The following POLD3 variants were observed in gnomAD, a reference collection of about 807,000 sequenced individuals.
POLD3 encodes DNA polymerase delta 3, accessory subunit.
In POLD3, 19 loss-of-function variants were observed where a neutral mutation model predicts 58.2. That is an observed-to-expected ratio of 0.33 (90% CI 0.23 to 0.48). The LOEUF (loss-of-function observed/expected upper bound fraction) is 0.48. POLD3 is among the 20% of genes least tolerant of loss of function. POLD3 has a pLI of 0.99. For synonymous variants in POLD3, 172 were observed against 193.5 expected, an observed-to-expected ratio of 0.89 and a Z score of 0.92; for missense variants, 504 against 545.5, an observed-to-expected ratio of 0.92 and a Z score of 0.76.
At chr11:74,649,991 C>T (rs972017185) in intron 4 of POLD3, among the ~76,000 whole-genome samples, 5 of 152,150 alleles carry the variant, frequency 3.3e-5, no homozygotes, top group East Asian at 1.9e-4. Flanking sequence ...TTACTATCAG[C>T]GTGACTCCCA....
chr11:74,655,986 A>T (rs187532678), intron 4 of POLD3, among the ~76,000 whole-genome samples: 1 of 152,368 alleles, frequency 6.6e-6, no homozygotes, highest in East Asian at 1.9e-4. Flanking sequence ...TAGTAACGTG[A>T]CAGGATACGA....
Position 74,629,236 on chromosome 11 carries a change from T to G in POLD3, c.919T>G (p.Ser307Ala). 2 of 1,602,564 alleles carry G rather than the reference T, an allele frequency of 1.2e-6. No individual in the cohort carries two copies. Among genetic ancestry groups the G allele is most frequent in the South Asian group, 1.1e-5 (1 of 90,352 alleles). The change falls in exon 9 of 12, where the codon TCT (serine) becomes GCT (alanine). Residue 307 changes from serine (S) to alanine (A), a missense_variant. Transcript: ENST00000263681. ...CAACAGGGGGAAGCGAGTAGCATTA[T>G]CTGATGATGAGACAAAGGAAACTGA... ...EKKRGKRVAL[S>A]DDETKETENM...
At chr11:74,607,240 T>TAATATATATA (rs761011170) in intron 3 of POLD3, among the ~76,000 whole-genome samples, 2 of 61,916 alleles carry the variant, frequency 3.2e-5, no homozygotes, top group African/African-American at 1.7e-4. Context: ...ATTATTATTA[T>TAATATATATA]TATATATTTA....
At chr11:74,605,599 T>C (rs1388307773) in intron 3 of POLD3, among the ~76,000 whole-genome samples, 1 of 152,138 alleles carries the variant, frequency 6.6e-6, no homozygotes, top group Non-Finnish European at 1.5e-5. Flanking sequence ...ACTTCCTATC[T>C]GAAGGTTCTT....
chr11:74,593,809 C>A (rs1019191273), intron 1 of POLD3, among the ~76,000 whole-genome samples: 3 of 152,120 alleles, frequency 2.0e-5, no homozygotes, highest in Non-Finnish European at 2.9e-5. Flanking sequence ...AGAGTTTTTT[C>A]TGTTAGGTAT....
chr11:74,633,074 T>C (rs1052994687), intron 9 of POLD3, among the ~76,000 whole-genome samples: 5 of 152,150 alleles, frequency 3.3e-5, no homozygotes, highest in African/African-American at 1.2e-4. Context: ...TTGTTTTCTT[T>C]GGTTAAGTCA....
intron 5 of POLD3, among the ~76,000 whole-genome samples, chr11:74,614,818 C>T (rs1423875891): frequency 6.6e-6 from 1 of 151,982 alleles, no homozygotes; most frequent in Non-Finnish European, 1.5e-5. Flanking sequence ...ACCCATGCTT[C>T]TGGCTTGGGC....
intron 2 of POLD3, among the ~76,000 whole-genome samples, chr11:74,603,776 C>T (rs1420279801): frequency 2.6e-5 from 4 of 152,088 alleles, no homozygotes; most frequent in Non-Finnish European, 2.9e-5. Flanking sequence ...GTAGGTTGAG[C>T]TTCTCTGGGG....
chr11:74,661,552 C>A (rs79927894), intron 4 of POLD3, among the ~76,000 whole-genome samples: 362 of 152,338 alleles, frequency 2.4e-3, no homozygotes, highest in Non-Finnish European at 4.2e-3. Context: ...GTCTTTCACT[C>A]TCTGTGCTGA....
intron 11 of POLD3, among the ~76,000 whole-genome samples, chr11:74,638,369 G>A (rs771800096): frequency 3.9e-5 from 6 of 152,036 alleles, no homozygotes; most frequent in Non-Finnish European, 8.8e-5. Flanking sequence ...ACACAAAATT[G>A]GCAATGAGAC....
chr11:74,629,592 T>C (rs959271182), intron 9 of POLD3, among the ~76,000 whole-genome samples: 3 of 151,824 alleles, frequency 2.0e-5, no homozygotes, highest in Admixed American at 6.6e-5. Flanking sequence ...TTTTCTTTTT[T>C]TTTTTTACTT....
At chr11:74,638,213 G>C (rs997653248) in intron 11 of POLD3, among the ~76,000 whole-genome samples, 19 of 152,088 alleles carry the variant, frequency 1.2e-4, no homozygotes, top group African/African-American at 4.6e-4. Flanking sequence ...TTTTAATGGA[G>C]ACCTCCTTTT....
Position 74,618,458 on chromosome 11 carries a change from GT to G in POLD3, c.393-69del, listed in dbSNP as rs367865328. Reference sequence around the variant, plus strand: ...AAAATAAAGTTTTATACTGACATTAGTTTTTTTTTTCTTTTTTTGTTGAACC... The same window carrying G: ...AAAATAAAGTTTTATACTGACATTAGTTTTTTTTTCTTTTTTTGTTGAACC... On this transcript the variant is annotated intron_variant, in intron 5 of 11. Transcript: ENST00000263681. 8.8e-4 allele frequency: 806 copies of G among 919,106 alleles called. 3 individuals carry two copies. The highest frequency in any genetic ancestry group is 7.1e-3 in the South Asian group (398 of 55,760). The allele number at this position is 919,106 out of a possible 1,614,324, so 56.9% of individuals were successfully genotyped here.
At chr11:74,625,198 C>T (rs2032388009) in intron 7 of POLD3, among the ~76,000 whole-genome samples, 1 of 152,056 alleles carries the variant, frequency 6.6e-6, no homozygotes, top group Admixed American at 6.6e-5. Flanking sequence ...AGCCTGGGGG[C>T]TGTGATACAA....
At chr11:74,635,988 T>G (rs1201836395) in intron 10 of POLD3, among the ~76,000 whole-genome samples, 1 of 152,250 alleles carries the variant, frequency 6.6e-6, no homozygotes, top group Admixed American at 6.5e-5. Context: ...TTCCTTCTTA[T>G]GAACAATGAA....
downstream of POLD3, among the ~76,000 whole-genome samples, chr11:74,644,211 T>C (rs1191984530): frequency 6.6e-6 from 1 of 152,200 alleles, no homozygotes; most frequent in African/African-American, 2.4e-5. Context: ...GGAAACTAAA[T>C]AGTTTCTCCA....
chr11:74,612,924 C>T lies in POLD3; in HGVS notation c.306C>T (p.Ser102=). The change falls in exon 5 of 12, where the codon AGC becomes AGT. Residue 102 remains serine (S), a synonymous_variant. Transcript: ENST00000263681. The part of the protein sequence containing the change: ...LAVTASIHVY[S]IQKAMLKDSG... ...TGACTGCCAGCATCCATGTGTACAGCATCCAGAAAGCCATGCTAAAGGACA... is the reference window on the plus strand; with the variant it reads ...TGACTGCCAGCATCCATGTGTACAGTATCCAGAAAGCCATGCTAAAGGACA... 1.9e-6 allele frequency: 3 copies of T among 1,613,434 alleles called. No individual in the cohort carries two copies. Among genetic ancestry groups the T allele is most frequent in the Non-Finnish European group, 1.7e-6 (2 of 1,179,372 alleles).
downstream of POLD3, among the ~76,000 whole-genome samples, chr11:74,645,114 T>G (rs190200268): frequency 1.3e-5 from 2 of 152,338 alleles, no homozygotes; most frequent in Admixed American, 6.5e-5. Flanking sequence ...GTGATAGACA[T>G]GGGACTTAAT....
At position 74,636,182 on chromosome 11, in the gene POLD3, C is replaced by G. The variant is rs773739840; in HGVS notation, c.1120-15C>G. The G allele has an allele frequency of 3.8e-5, 61 of 1,606,136 alleles. No homozygotes were observed. Among genetic ancestry groups the G allele is most frequent in the Non-Finnish European group, 4.9e-5 (58 of 1,173,300 alleles). ...TAATTGATCCAGCTTAACATTGTAT[C>G]CTCTGACCTTTTAGAGCTCAAGTGG... is the stretch of plus-strand genomic sequence containing the variant. On this transcript the variant is annotated splice_polypyrimidine_tract_variant and intron_variant, in intron 10 of 11. Coordinates refer to ENST00000263681, the MANE Select transcript of POLD3 (RefSeq NM_006591.3).
Sources: allele counts gnomAD v4.1 joint callset (sites outside exome capture counted in the v4.1 genomes callset), GRCh38; gene constraint gnomAD v4.1.1; transcripts MANE v1.5; gene names NCBI Gene and HGNC (gene_info 2026-07-23, HGNC 2026-07-21).